Variants in NELL1 observed in about 807,000 individuals in gnomAD.
NELL1 encodes the protein protein kinase C-binding protein NELL1.
A neutral mutation model predicts 107.4 loss-of-function variants in NELL1; 76 were observed. The ratio of observed to expected loss-of-function variants is 0.71; its 90% CI spans 0.59 to 0.86. The LOEUF is 0.86. Ranked by LOEUF, NELL1 falls within the 40% of genes least tolerant of loss-of-function variation. The pLI is 0.00. For synonymous variants in NELL1, 353 were observed against 341.2 expected, an observed-to-expected ratio of 1.03 and a Z score of -0.38; for missense variants, 1,024 against 1,005.5, an observed-to-expected ratio of 1.02 and a Z score of -0.25.
intron 2 of NELL1, among the ~76,000 whole-genome samples, chr11:20,774,825 C>A (rs1302136735): frequency 2.6e-5 from 4 of 152,108 alleles, no homozygotes; most frequent in Non-Finnish European, 5.9e-5. Context: ...TTGCACCCAG[C>A]AACCTTTGGT....
intron 2 of NELL1, among the ~76,000 whole-genome samples, chr11:20,743,481 A>G (rs1172717293): frequency 1.4e-4 from 22 of 152,318 alleles, no homozygotes; most frequent in Non-Finnish European, 5.9e-5. Context: ...CAATGAGATT[A>G]CTGTTTACTT....
chr11:21,371,150 C>G (rs952268836), intron 15 of NELL1, among the ~76,000 whole-genome samples: 2 of 152,086 alleles, frequency 1.3e-5, no homozygotes, highest in Admixed American at 6.6e-5. Flanking sequence ...TTCGCCTTCC[C>G]TCCAACGATT....
At chr11:20,962,128 A>G (rs1851303350) in intron 12 of NELL1, among the ~76,000 whole-genome samples, 1 of 152,028 alleles carries the variant, frequency 6.6e-6, no homozygotes, top group South Asian at 2.1e-4. Context: ...TGGGAGAATG[A>G]AACTGTCCCT....
chr11:21,063,035 A>G (rs557451421), intron 12 of NELL1, among the ~76,000 whole-genome samples: 1 of 151,988 alleles, frequency 6.6e-6, no homozygotes, highest in East Asian at 1.9e-4. Context: ...TTTAGGAGAG[A>G]TGAGGTTTCA....
At chr11:20,935,512 C>G (rs1850705672) in intron 9 of NELL1, among the ~76,000 whole-genome samples, 1 of 152,122 alleles carries the variant, frequency 6.6e-6, no homozygotes, top group Non-Finnish European at 1.5e-5. Flanking sequence ...AAATGGTGGG[C>G]TGTGAACCTT....
At position 20,772,346 on chromosome 11, in the gene NELL1, C is replaced by A. The variant is rs374403354; in HGVS notation, c.185-11334C>A. Among the ~76,000 whole-genome samples the A allele has an allele frequency of 1.2e-3, 177 of 152,242 alleles. 2 individuals are homozygous for A. Among genetic ancestry groups the A allele is most frequent in the African/African-American group, 4.0e-3 (165 of 41,530 alleles). On this transcript the variant is annotated intron_variant, in intron 2 of 19. Transcript: ENST00000357134. ...AAACAGAAATATACACAATAAGCTA[C>A]AAAGTTGGAGTCAGAGACACATCTC...
At chr11:21,241,135 G>C (rs1440618746) in intron 14 of NELL1, among the ~76,000 whole-genome samples, 1 of 152,072 alleles carries the variant, frequency 6.6e-6, no homozygotes, top group African/African-American at 2.4e-5. Flanking sequence ...ATCAGAATAA[G>C]ATTGTTTTCC....
At chr11:21,313,817 A>G (rs1233412984) in intron 14 of NELL1, among the ~76,000 whole-genome samples, 1 of 152,104 alleles carries the variant, frequency 6.6e-6, no homozygotes, top group Non-Finnish European at 1.5e-5. Context: ...ATTCCCCTCC[A>G]AATCTCATAT....
At chr11:21,323,492 AC>A (rs941552132) in intron 14 of NELL1, among the ~76,000 whole-genome samples, 37 of 152,214 alleles carry the variant, frequency 2.4e-4, no homozygotes, top group African/African-American at 8.7e-4. Context: ...TTTCTTAGTG[AC>A]CTAGGAAAAC....
At chr11:21,070,444 A>G (rs955104122) in intron 12 of NELL1, among the ~76,000 whole-genome samples, 4 of 152,162 alleles carry the variant, frequency 2.6e-5, no homozygotes, top group Admixed American at 2.6e-4. Context: ...CTAAAGTAAG[A>G]GCTAAAAGGA....
chr11:21,295,568 T>C (rs1248436445), intron 14 of NELL1, among the ~76,000 whole-genome samples: 1 of 152,032 alleles, frequency 6.6e-6, no homozygotes. Context: ...TTGTAAGAAA[T>C]GTAGCCAGTT....
intron 12 of NELL1, among the ~76,000 whole-genome samples, chr11:21,017,889 A>C (rs1240577165): frequency 6.6e-6 from 1 of 152,094 alleles, no homozygotes; most frequent in Non-Finnish European, 1.5e-5. Context: ...AATGAAGTCT[A>C]CCATGATTGA....
At chr11:21,546,997 G>C (rs1015878372) in intron 16 of NELL1, among the ~76,000 whole-genome samples, 1 of 151,880 alleles carries the variant, frequency 6.6e-6, no homozygotes. Context: ...TAAGTCTTAG[G>C]CATACAGAGA....
intron 4 of NELL1, among the ~76,000 whole-genome samples, chr11:20,853,796 GT>G (rs1427870784): frequency 2.6e-5 from 4 of 152,122 alleles, no homozygotes; most frequent in African/African-American, 9.7e-5. Flanking sequence ...CCTAAGCAAG[GT>G]TTGCCAGTAG....
At chr11:21,106,586 A>C (rs80125249) in intron 12 of NELL1, among the ~76,000 whole-genome samples, 3,097 of 152,130 alleles carry the variant, frequency 0.02, 72 homozygotes, top group South Asian at 0.13. Flanking sequence ...GATCCATTCC[A>C]TTGTTCTTGG....
intron 12 of NELL1, among the ~76,000 whole-genome samples, chr11:21,048,305 G>C (rs767259224): frequency 4.0e-5 from 6 of 151,752 alleles, no homozygotes; most frequent in Non-Finnish European, 7.4e-5. Context: ...TATACTTCTG[G>C]GTCAATCTAT....
intron 12 of NELL1, among the ~76,000 whole-genome samples, chr11:21,023,784 C>T (rs1852753611): frequency 6.6e-6 from 1 of 151,964 alleles, no homozygotes. Context: ...TGCACAGGTG[C>T]CTGGTGTGGT....
At chr11:21,419,936 T>A (rs2133820550) in intron 15 of NELL1, among the ~76,000 whole-genome samples, 1 of 152,306 alleles carries the variant, frequency 6.6e-6, no homozygotes, top group East Asian at 1.9e-4. Flanking sequence ...TTCTGGTCAC[T>A]TATTGACAAT....
intron 2 of NELL1, among the ~76,000 whole-genome samples, chr11:20,724,184 T>A (rs2213107): frequency 1.3e-5 from 2 of 152,178 alleles, no homozygotes; most frequent in African/African-American, 2.4e-5. Context: ...TCTGCAATGC[T>A]GTGGAGACAT....
Sources: allele counts gnomAD v4.1 joint callset (sites outside exome capture counted in the v4.1 genomes callset), GRCh38; gene constraint gnomAD v4.1.1; transcripts MANE v1.5; gene names NCBI Gene and HGNC (gene_info 2026-07-23, HGNC 2026-07-21).